RNF19A: variants seen among roughly 807,000 people sequenced by gnomAD.
RNF19A encodes the protein ring finger protein 19A, RBR E3 ubiquitin protein ligase.
Under a neutral mutation model 75.7 loss-of-function variants are expected in RNF19A, and 32 were observed. That is an observed-to-expected ratio of 0.42 (90% confidence interval 0.32 to 0.57). The LOEUF is 0.57. Among genes scored for constraint, RNF19A ranks in the 20% least tolerant of loss-of-function variants. The probability of loss-of-function intolerance (pLI) is 0.10; values close to 1 mark genes in which losing one functional copy is unlikely to be tolerated. For missense variants in RNF19A, 782 were observed against 1,036.3 expected (o/e 0.75, Z 3.37); for synonymous variants, 335 against 345.2 (o/e 0.97, Z 0.33).
At chr8:100,308,684 T>A (rs1822159496) in intron 1 of RNF19A, among the ~76,000 whole-genome samples, 1 of 134,170 alleles carries the variant, frequency 7.5e-6, no homozygotes, top group Non-Finnish European at 1.7e-5. Context: ...AAGAACCATG[T>A]TCTTTAAAAA....
chr8:100,316,954 C>G (rs1362017218), intron 1 of RNF19A, among the ~76,000 whole-genome samples: 2 of 152,214 alleles, frequency 1.3e-5, no homozygotes, highest in African/African-American at 4.8e-5. Context: ...AGAAATCGAG[C>G]GCAGCGCCGG....
intron 2 of RNF19A, among the ~76,000 whole-genome samples, chr8:100,276,971 G>A (rs574694091): frequency 2.0e-5 from 3 of 152,028 alleles, no homozygotes; most frequent in Non-Finnish European, 2.9e-5. Flanking sequence ...TGGCACCACC[G>A]AGACAAACAG....
At chr8:100,283,345 T>C (rs534687791) in intron 2 of RNF19A, among the ~76,000 whole-genome samples, 4 of 152,212 alleles carry the variant, frequency 2.6e-5, no homozygotes, top group Non-Finnish European at 5.9e-5. Flanking sequence ...GCAGCTTCTA[T>C]GCTTCTCCTC....
chr8:100,331,211 C>G lies in RNF19A; in HGVS notation c.-243+4897G>C, dbSNP rs1260522753. On this transcript the variant is annotated intron_variant, in intron 1 of 3. Transcript: ENST00000519527. The surrounding 1 kb of genome is among the most constrained non-coding windows in gnomAD (Gnocchi z 5.2). ...GAAAGAACACTTGACACAGCTGTAT[C>G]TGAATCTCAGTTTGGAGAGAATCCA... 6.6e-6 allele frequency among the ~76,000 whole-genome samples: 1 copy of G among 152,234 alleles called. No homozygotes were observed. The highest frequency in any genetic ancestry group is 1.5e-5 in the Non-Finnish European group (1 of 68,050).
intron 1 of RNF19A, among the ~76,000 whole-genome samples, chr8:100,291,232 CAT>C (rs1821279256): frequency 6.6e-6 from 1 of 152,148 alleles, no homozygotes; most frequent in Non-Finnish European, 1.5e-5. Flanking sequence ...ATGAAATTGA[CAT>C]GTGTTAAACC....
chr8:100,273,305 G>T (rs1447959791), intron 3 of RNF19A, among the ~76,000 whole-genome samples: 1 of 152,086 alleles, frequency 6.6e-6, no homozygotes, highest in South Asian at 2.1e-4. Context: ...TACCCTCAAA[G>T]CTCCTTTAGA....
chr8:100,287,610 G>T lies in RNF19A; in HGVS notation c.565C>A (p.Arg189Ser), dbSNP rs770688162. The T allele has an allele frequency of 6.2e-6, 10 of 1,613,860 alleles. No homozygotes were observed. Residue 189 changes from arginine to serine, a missense_variant, in exon 2 of 10, where the codon CGC (arginine) becomes AGC (serine). Coordinates refer to ENST00000341084, the MANE Select transcript of RNF19A (RefSeq NM_183419.4). The surrounding 1 kb of genome is among the most constrained non-coding windows in gnomAD (Gnocchi z 4.1). ...AAGACATCATCACTTAATATCAAGCGAATATCATGGGGATTAAACCGTTCA... is the reference window on the plus strand; with the variant it reads ...AAGACATCATCACTTAATATCAAGCTAATATCATGGGGATTAAACCGTTCA... ...CTERFNPHDI[R>S]LILSDDVLME...
At position 100,274,948 on chromosome 8, in the gene RNF19A, A is replaced by C; in HGVS notation, c.883+5T>G. On this transcript the variant is annotated splice_donor_5th_base_variant and intron_variant, in intron 3 of 9. Coordinates refer to ENST00000341084, the MANE Select transcript of RNF19A (RefSeq NM_183419.4). ...ATTTTATTAGAAAAAATTAGACATA[A>C]ATACCTGCTGCTCCAGACTCTTGAC... 1 of 1,600,688 alleles carries C rather than the reference A, an allele frequency of 6.2e-7. No individual in the cohort carries two copies. The highest frequency in any genetic ancestry group is 8.5e-7 in the Non-Finnish European group (1 of 1,173,480).
chr8:100,316,955 G>A (rs1449671043), intron 1 of RNF19A, among the ~76,000 whole-genome samples: 1 of 152,224 alleles, frequency 6.6e-6, no homozygotes, highest in Non-Finnish European at 1.5e-5. Flanking sequence ...GAAATCGAGC[G>A]CAGCGCCGGT....
chr8:100,306,534 TAA>T (rs1822068228), intron 1 of RNF19A, among the ~76,000 whole-genome samples: 2 of 152,324 alleles, frequency 1.3e-5, no homozygotes, highest in South Asian at 4.1e-4. Context: ...ATGACAGTGA[TAA>T]AGAGAGCAAT....
intron 1 of RNF19A, among the ~76,000 whole-genome samples, chr8:100,289,655 G>T (rs377282678): frequency 6.6e-5 from 10 of 152,152 alleles, no homozygotes; most frequent in East Asian, 3.9e-4. Flanking sequence ...GTGTTAGCAA[G>T]GATGTGGAAG....
upstream of RNF19A, among the ~76,000 whole-genome samples, chr8:100,312,712 C>T (rs1190338629): frequency 2.0e-5 from 3 of 151,964 alleles, no homozygotes; most frequent in Non-Finnish European, 2.9e-5. Context: ...TCACTTGAGG[C>T]CAGGAGTTTG....
intron 1 of RNF19A, among the ~76,000 whole-genome samples, chr8:100,315,898 C>G (rs1822365915): frequency 6.6e-6 from 1 of 152,212 alleles, no homozygotes; most frequent in Admixed American, 6.5e-5. Flanking sequence ...TCTAGTTTTC[C>G]ACAAGCTCTC....
chr8:100,287,867 G>GTAC lies in RNF19A; in HGVS notation c.305_307dup (p.Cys102_Thr103insSer). The GTAC allele has an allele frequency of 6.2e-7, 1 of 1,614,136 alleles. No individual in the cohort carries two copies. Among genetic ancestry groups the GTAC allele is most frequent in the Non-Finnish European group, 8.5e-7 (1 of 1,180,000 alleles). Reference sequence around the variant, plus strand: ...TGTAGAGAAAATGGAGTTCTTATCAGTACACATTTCAGAATGTATACTTTC... The same window carrying GTAC: ...TGTAGAGAAAATGGAGTTCTTATCAGTACTACACATTTCAGAATGTATACTTTC... On this transcript the variant is annotated inframe_insertion, in exon 2 of 10. Transcript: ENST00000341084. The surrounding 1 kb of genome is among the most constrained non-coding windows in gnomAD (Gnocchi z 4.1).
At chr8:100,316,403 G>T (rs1481014416) in intron 1 of RNF19A, among the ~76,000 whole-genome samples, 1 of 152,108 alleles carries the variant, frequency 6.6e-6, no homozygotes, top group Non-Finnish European at 1.5e-5. Flanking sequence ...CTCTTATCTG[G>T]CCCCACCCAC....
chr8:100,315,647 G>A (rs1365599180), intron 1 of RNF19A, among the ~76,000 whole-genome samples: 1 of 151,384 alleles, frequency 6.6e-6, no homozygotes, highest in Non-Finnish European at 1.5e-5. Flanking sequence ...CTTCTTCGTC[G>A]TCTTGTTGTT....
chr8:100,333,597 G>C lies in RNF19A; in HGVS notation c.-243+2511C>G, dbSNP rs1822637345. Among the ~76,000 whole-genome samples the C allele has an allele frequency of 6.6e-6, 1 of 152,178 alleles. No individual in the cohort carries two copies. Among genetic ancestry groups the C allele is most frequent in the Non-Finnish European group, 1.5e-5 (1 of 68,022 alleles). ...TAGAGATTATGCATAATATTTTTCT[G>C]GTTCCTTTTACTTTTCTGTGTGTTG... On this transcript the variant is annotated intron_variant, in intron 1 of 3. Coordinates refer to the RNF19A transcript ENST00000519527. This position sits in a 1 kb window ranked among gnomAD's most constrained non-coding sequence, Gnocchi z 4.7.
intron 1 of RNF19A, among the ~76,000 whole-genome samples, chr8:100,327,184 T>G (rs1463630734): frequency 6.6e-6 from 1 of 152,004 alleles, no homozygotes; most frequent in Non-Finnish European, 1.5e-5. Context: ...TGGCTAATTT[T>G]GGATTGGTAA....
In RNF19A at chr8:100,275,389, GT is replaced by G. The variant is rs921418938; in HGVS notation, c.675-229del. 1.4e-4 allele frequency among the ~76,000 whole-genome samples: 21 copies of G among 145,962 alleles called. No homozygotes were observed. The highest frequency in any genetic ancestry group is 2.0e-4 in the East Asian group (1 of 5,060). On this transcript the variant is annotated intron_variant, in intron 2 of 9. Coordinates refer to ENST00000341084, the MANE Select transcript of RNF19A (RefSeq NM_183419.4). This position sits in a 1 kb window ranked among gnomAD's most constrained non-coding sequence, Gnocchi z 4.3. The stretch of plus-strand genomic sequence containing the variant: ...AAAAGTTCAATTTTTAACTTTCAGG[GT>G]TTTTTTTTTAGGTTCAGGGTTTTTT...
Sources: allele counts gnomAD v4.1 joint callset (sites outside exome capture counted in the v4.1 genomes callset), GRCh38; gene constraint gnomAD v4.1.1; non-coding constraint Gnocchi (gnomAD v3.1); transcripts MANE v1.5; gene names NCBI Gene and HGNC (gene_info 2026-07-23, HGNC 2026-07-21).